Variants in CLSTN2 observed in about 807,000 individuals in gnomAD.
CLSTN2 encodes calsyntenin 2, also known as calsyntenin-2.
A neutral mutation model predicts 101.2 loss-of-function variants in CLSTN2; 48 were observed. The ratio of observed to expected loss-of-function variants is 0.47; its 90% confidence interval spans 0.38 to 0.60. CLSTN2 has a LOEUF of 0.60. Among genes scored for constraint, CLSTN2 ranks in the 20% least tolerant of loss-of-function variants. The pLI, the probability that CLSTN2 is intolerant of heterozygous loss-of-function variation, is 0.00. For missense variants in CLSTN2, 1,160 were observed against 1,238.2 expected, an observed-to-expected ratio of 0.94 and a Z score of 0.95; for synonymous variants, 481 against 463.6, an observed-to-expected ratio of 1.04 and a Z score of -0.48.
At chr3:140,243,271 C>A (rs1426720718) in intron 2 of CLSTN2, among the ~76,000 whole-genome samples, 1 of 152,168 alleles carries the variant, frequency 6.6e-6, no homozygotes. Context: ...CAAGTTAGGA[C>A]GTGATTACTC....
intron 5 of CLSTN2, among the ~76,000 whole-genome samples, chr3:140,441,756 G>C (rs72983197): frequency 6.6e-6 from 1 of 152,104 alleles, no homozygotes; most frequent in Non-Finnish European, 1.5e-5. Flanking sequence ...ACTCCCTTCC[G>C]CAAAGGCCTT....
At position 140,419,804 on chromosome 3, in the gene CLSTN2, CGT is replaced by C. The variant is rs2088479250; in HGVS notation, c.638-1318_638-1317del. On this transcript the variant is annotated intron_variant, in intron 4 of 16. Transcript: ENST00000458420. ...GTATATACACGTATACGTGTATATA[CGT>C]GTATATACGTATATATACGTATATG... 3.1e-5 allele frequency among the ~76,000 whole-genome samples: 2 copies of C among 65,244 alleles called. 1 individual carries two copies. Among genetic ancestry groups the C allele is most frequent in the Non-Finnish European group, 4.7e-5 (2 of 42,224 alleles). 42.8% of individuals were successfully genotyped at this position (65,244 alleles called of 152,430 possible).
intron 2 of CLSTN2, among the ~76,000 whole-genome samples, chr3:140,193,261 G>GTTTTTTTTTTTTTT (rs367933711): frequency 4.6e-5 from 4 of 87,442 alleles, no homozygotes; most frequent in African/African-American, 8.9e-5. Context: ...CTTTTTTATA[G>GTTTTTTTTTTTTTT]TTTTTTTTTT....
chr3:140,171,661 TTATA>T (rs140912565), intron 1 of CLSTN2, among the ~76,000 whole-genome samples: 1 of 110,536 alleles, frequency 9.0e-6, no homozygotes, highest in Non-Finnish European at 1.7e-5. Context: ...GTATTATATA[TTATA>T]TATAATATGT....
At chr3:139,981,833 T>C (rs9850893) in intron 1 of CLSTN2, among the ~76,000 whole-genome samples, 1 of 152,026 alleles carries the variant, frequency 6.6e-6, no homozygotes, top group Admixed American at 6.5e-5. Context: ...CGTGCTACAA[T>C]GTAAGCAAAT....
chr3:140,135,131 T>C (rs369454361), intron 1 of CLSTN2, among the ~76,000 whole-genome samples: 5,531 of 108,418 alleles, frequency 0.051, 152 homozygotes, highest in African/African-American at 0.09. Context: ...TATATATATA[T>C]ATATATATAT....
intron 1 of CLSTN2, among the ~76,000 whole-genome samples, chr3:140,173,239 G>T (rs2010267203): frequency 6.6e-6 from 1 of 152,194 alleles, no homozygotes; most frequent in Non-Finnish European, 1.5e-5. Context: ...CAGGGCCCAT[G>T]CAAGTCCAAA....
intron 2 of CLSTN2, among the ~76,000 whole-genome samples, chr3:140,321,795 G>C (rs533717694): frequency 6.6e-6 from 1 of 152,164 alleles, no homozygotes; most frequent in Non-Finnish European, 1.5e-5. Flanking sequence ...TTGGGAATAC[G>C]CTTTTCCCCC....
intron 1 of CLSTN2, among the ~76,000 whole-genome samples, chr3:140,171,791 A>AAT (rs34903884): frequency 0.39 from 41,033 of 105,910 alleles, 9,169 homozygotes; most frequent in African/African-American, 0.6. Context: ...TATAATATAT[A>AAT]ATATATAATA....
intron 1 of CLSTN2, among the ~76,000 whole-genome samples, chr3:139,975,619 G>C (rs1267223699): frequency 6.6e-6 from 1 of 152,156 alleles, no homozygotes; most frequent in Non-Finnish European, 1.5e-5. Context: ...TGTGAAGATA[G>C]GAATGAAACA....
At chr3:140,287,694 C>T (rs1217421586) in intron 2 of CLSTN2, among the ~76,000 whole-genome samples, 1 of 151,978 alleles carries the variant, frequency 6.6e-6, no homozygotes, top group African/African-American at 2.4e-5. Context: ...CTAAAACAGC[C>T]TAGTGATGTA....
chr3:140,166,315 C>G (rs2010134307), intron 1 of CLSTN2, among the ~76,000 whole-genome samples: 2 of 152,168 alleles, frequency 1.3e-5, no homozygotes, highest in Admixed American at 1.3e-4. Context: ...ACTAGGAGAT[C>G]AGATCAGAAG....
At chr3:140,182,577 G>A (rs949117189) in intron 2 of CLSTN2, among the ~76,000 whole-genome samples, 1 of 152,176 alleles carries the variant, frequency 6.6e-6, no homozygotes, top group Non-Finnish European at 1.5e-5. Flanking sequence ...TTGTTTGGGG[G>A]CCATTCCTGA....
chr3:140,074,533 G>A (rs1317468), intron 1 of CLSTN2, among the ~76,000 whole-genome samples: 12,954 of 152,180 alleles, frequency 0.085, 614 homozygotes, highest in East Asian at 0.16. Context: ...GCCCAAATTG[G>A]TACATTATAC....
intron 1 of CLSTN2, among the ~76,000 whole-genome samples, chr3:140,144,997 C>T (rs564720888): frequency 6.6e-6 from 1 of 152,356 alleles, no homozygotes; most frequent in East Asian, 1.9e-4. Context: ...ATCCTCACGC[C>T]CCTGTGGGCC....
intron 1 of CLSTN2, among the ~76,000 whole-genome samples, chr3:140,033,223 C>T (rs192640762): frequency 1.1e-4 from 17 of 147,900 alleles, no homozygotes; most frequent in African/African-American, 2.5e-4. Context: ...TCTGTGTAGA[C>T]GGAGGGGGAC....
At chr3:140,210,229 T>C (rs1462099435) in intron 2 of CLSTN2, among the ~76,000 whole-genome samples, 3 of 152,202 alleles carry the variant, frequency 2.0e-5, no homozygotes, top group Non-Finnish European at 4.4e-5. Context: ...GGCCAGAATC[T>C]TACCTTCAGT....
chr3:140,231,793 A>T (rs2086374128), intron 2 of CLSTN2, among the ~76,000 whole-genome samples: 1 of 152,220 alleles, frequency 6.6e-6, no homozygotes, highest in East Asian at 1.9e-4. Flanking sequence ...CTGGTATATG[A>T]TAATCACTTA....
chr3:140,159,106 C>T (rs529167656), intron 1 of CLSTN2, among the ~76,000 whole-genome samples: 89 of 152,112 alleles, frequency 5.9e-4, no homozygotes, highest in African/African-American at 1.7e-3. Context: ...ATATTCTTCT[C>T]GACATTAGCC....
Sources: allele counts gnomAD v4.1 joint callset (sites outside exome capture counted in the v4.1 genomes callset), GRCh38; gene constraint gnomAD v4.1.1; transcripts MANE v1.5; gene names NCBI Gene and HGNC (gene_info 2026-07-23, HGNC 2026-07-21).